Variants in THADA observed in about 807,000 individuals in gnomAD.
THADA encodes the protein tRNA (32-2'-O)-methyltransferase regulator THADA.
THADA carries 213 observed loss-of-function variants against 219.8 expected under a neutral mutation model. The observed-to-expected ratio is 0.97, with a 90% CI of 0.87 to 1.09. The LOEUF is 1.09. Among genes scored for constraint, THADA ranks in the 50% least tolerant of loss-of-function variants. The probability of loss-of-function intolerance (pLI) is 0.00; values close to 1 mark genes in which losing one functional copy is unlikely to be tolerated. For missense variants in THADA, 2,956 were observed against 2,311.3 expected (o/e 1.28, Z -5.72); for synonymous variants, 1,018 against 828.9 (o/e 1.23, Z -3.92).
intron 28 of THADA, among the ~76,000 whole-genome samples, chr2:43,406,737 G>T (rs1344082646): frequency 6.6e-6 from 1 of 152,144 alleles, no homozygotes; most frequent in Non-Finnish European, 1.5e-5. Flanking sequence ...TTCCCTCCCA[G>T]CCTATCTGAG....
At chr2:43,279,539 A>T (rs1378933415) in intron 36 of THADA, among the ~76,000 whole-genome samples, 2 of 152,238 alleles carry the variant, frequency 1.3e-5, no homozygotes, top group Non-Finnish European at 2.9e-5. Context: ...TACGGCTAGT[A>T]GATCAAATCT....
chr2:43,253,839 A>G (rs935115310), intron 36 of THADA, among the ~76,000 whole-genome samples: 7 of 152,204 alleles, frequency 4.6e-5, no homozygotes, highest in African/African-American at 7.2e-5. Context: ...TTGCTCAAAA[A>G]TCTTTACTGG....
At chr2:43,251,798 T>C (rs1383989857) in intron 36 of THADA, among the ~76,000 whole-genome samples, 1 of 152,248 alleles carries the variant, frequency 6.6e-6, no homozygotes, top group Admixed American at 6.5e-5. Flanking sequence ...CTCATGCCTT[T>C]TTCAGATGTG....
chr2:43,512,820 A>G (rs1395333108), intron 22 of THADA, among the ~76,000 whole-genome samples: 2 of 152,214 alleles, frequency 1.3e-5, no homozygotes, highest in African/African-American at 2.4e-5. Context: ...TATTTAAACT[A>G]TCATACTGGA....
rs1353032334 is a variant in THADA at position 43,501,331 on chromosome 2, AAAAAAAAAG to A, written c.3622-2385_3622-2377del. Among the ~76,000 whole-genome samples, 105 of 138,946 alleles carry A rather than the reference AAAAAAAAAG, an allele frequency of 7.6e-4. 2 individuals carry two copies. The highest frequency in any genetic ancestry group is 2.7e-3 in the African/African-American group (90 of 32,980). The allele number at this position is 138,946 out of a possible 152,430, so 91.2% of individuals were successfully genotyped here. ...CCAAAAAAAAAAAAAAAAAAAAAAAAAAAAAAAAGAGAGACTTTTATGGGAATTAGTTTA... is the reference window on the plus strand; with the variant it reads ...CCAAAAAAAAAAAAAAAAAAAAAAAAAGAGACTTTTATGGGAATTAGTTTA... On this transcript the variant is annotated intron_variant, in intron 24 of 37. Transcript: ENST00000405975.
chr2:43,381,097 CAAAAAAAAAAAAAA>C (rs58711910), intron 29 of THADA, among the ~76,000 whole-genome samples: 1 of 54,400 alleles, frequency 1.8e-5, no homozygotes, highest in Admixed American at 2.5e-4. Context: ...GAGACTTTGT[CAAAAAAAAAAAAAA>C]AAAAAAAAAA....
chr2:43,404,077 C>T (rs1675215915), intron 28 of THADA, among the ~76,000 whole-genome samples: 2 of 152,226 alleles, frequency 1.3e-5, no homozygotes, highest in African/African-American at 4.8e-5. Flanking sequence ...CAACTAGTGC[C>T]TTTGCACATT....
At position 43,399,528 on chromosome 2, in the gene THADA, G is replaced by A. The variant is rs568118796; in HGVS notation, c.4059-1389C>T. ...GAGCAGAATTTCATCATGGTGTTGG[G>A]GGAGGCAGGGGAAGAGGAAAAAGAA... is the stretch of plus-strand genomic sequence containing the variant. On this transcript the variant is annotated intron_variant, in intron 28 of 37. Transcript: ENST00000405975. Among the ~76,000 whole-genome samples the A allele has an allele frequency of 5.9e-5, 9 of 152,314 alleles. No individual in the cohort carries two copies. The East Asian group carries it at 1.7e-3, about 29-fold the overall frequency.
chr2:43,549,463 A>G, intron 19 of THADA, 95 bp from the exon 20 acceptor site: 1 of 1,242,218 alleles, frequency 8.1e-7, no homozygotes, highest in South Asian at 1.5e-5. Flanking sequence ...ATAATTTTCA[A>G]TACTTAATAA....
chr2:43,331,918 T>TACACACACACAC (rs141276481), intron 30 of THADA, among the ~76,000 whole-genome samples: 1,969 of 142,808 alleles, frequency 0.014, 18 homozygotes, highest in Non-Finnish European at 0.019. Context: ...ATATATCTAA[T>TACACACACACAC]ACACACACAC....
chr2:43,244,772 C>T (rs1454940841), intron 36 of THADA, among the ~76,000 whole-genome samples: 1 of 152,224 alleles, frequency 6.6e-6, no homozygotes, highest in African/African-American at 2.4e-5. Context: ...CCTATGCCTG[C>T]TCCTTGATGA....
intron 30 of THADA, among the ~76,000 whole-genome samples, chr2:43,339,649 C>A (rs1191520951): frequency 6.6e-6 from 1 of 152,226 alleles, no homozygotes; most frequent in Non-Finnish European, 1.5e-5. Context: ...CATACACATA[C>A]ACACTTATTT....
At chr2:43,537,151 C>T (rs1199857340) in intron 21 of THADA, among the ~76,000 whole-genome samples, 1 of 152,242 alleles carries the variant, frequency 6.6e-6, no homozygotes, top group African/African-American at 2.4e-5. Context: ...AAAGCTCAAA[C>T]ACTGTTCTCC....
chr2:43,523,862 G>C (rs1484956117), intron 22 of THADA, among the ~76,000 whole-genome samples: 1 of 152,118 alleles, frequency 6.6e-6, no homozygotes, highest in Non-Finnish European at 1.5e-5. Flanking sequence ...TCTAGATTTA[G>C]AATTATAATC....
At chr2:43,285,753 G>T (rs1673924377) in intron 35 of THADA, among the ~76,000 whole-genome samples, 1 of 152,066 alleles carries the variant, frequency 6.6e-6, no homozygotes, top group Non-Finnish European at 1.5e-5. Context: ...GTTTCTCCAT[G>T]TTGGTCAGGC....
intron 36 of THADA, among the ~76,000 whole-genome samples, chr2:43,266,195 G>T (rs973568666): frequency 2.2e-4 from 33 of 152,176 alleles, no homozygotes; most frequent in African/African-American, 7.7e-4. Context: ...GGGACTGACT[G>T]AAGGGAAGCT....
intron 30 of THADA, among the ~76,000 whole-genome samples, chr2:43,322,835 G>A (rs993159516): frequency 1.3e-5 from 2 of 151,488 alleles, no homozygotes; most frequent in African/African-American, 2.4e-5. Context: ...ACAGGCGCCC[G>A]CCGCCACGCC....
intron 30 of THADA, among the ~76,000 whole-genome samples, chr2:43,329,906 T>TAGATAGTTCCCGTA (rs2104493035): frequency 6.6e-6 from 1 of 152,362 alleles, no homozygotes; most frequent in East Asian, 1.9e-4. Flanking sequence ...TATTTGACAA[T>TAGATAGTTCCCGTA]AGATAGTTCC....
intron 29 of THADA, among the ~76,000 whole-genome samples, chr2:43,389,711 CCATGCCTGGGCT>C (rs1303671372): frequency 6.6e-6 from 1 of 152,168 alleles, no homozygotes; most frequent in African/African-American, 2.4e-5. Flanking sequence ...ATGCCCTCCT[CCATGCCTGGGCT>C]CATACCATGT....
Sources: gnomAD v4.1 joint callset for allele counts (sites outside exome capture counted in the v4.1 genomes callset) on GRCh38, gnomAD v4.1.1 for gene constraint, MANE v1.5 for transcripts, NCBI Gene and HGNC (gene_info 2026-07-23, HGNC 2026-07-21) for gene names.